The following WNK1 variants were observed in gnomAD, a reference collection of about 807,000 sequenced individuals.
WNK1 encodes WNK lysine deficient protein kinase 1, also known as serine/threonine-protein kinase WNK1.
A neutral mutation model predicts 222.8 loss-of-function variants in WNK1; 38 were observed. The ratio of observed to expected loss-of-function variants is 0.17; its 90% CI spans 0.13 to 0.22. The LOEUF (loss-of-function observed/expected upper bound fraction) is 0.22. Ranked by LOEUF, WNK1 falls within the 10% of genes least tolerant of loss-of-function variation. WNK1 has a pLI of 1.00. For missense variants in WNK1, 2,348 were observed against 2,918.4 expected, an observed-to-expected ratio of 0.80 and a Z score of 4.50; for synonymous variants, 1,090 against 1,092.9, an observed-to-expected ratio of 1.00 and a Z score of 0.05.
intron 1 of WNK1, among the ~76,000 whole-genome samples, chr12:783,249 A>G (rs1213549803): frequency 6.6e-6 from 1 of 152,204 alleles, no homozygotes; most frequent in East Asian, 1.9e-4. Context: ...TATAAAAATT[A>G]TAAAGATAGT....
chr12:861,474 TGTC>T (rs1239625864), intron 7 of WNK1, 131 bp downstream of exon 7: 2 of 817,224 alleles, frequency 2.4e-6, no homozygotes, highest in African/African-American at 3.4e-5. Context: ...TTGAAATGGT[TGTC>T]GTCTAGCTTC....
chr12:910,514 A>T lies in WNK1; in HGVS notation c.*1722A>T, dbSNP rs563236652. 4.6e-5 allele frequency: 7 copies of T among 152,058 alleles called. No individual in the cohort carries two copies. Among genetic ancestry groups the T allele is most frequent in the African/African-American group, 4.8e-5 (2 of 41,546 alleles). 9.4% of individuals were successfully genotyped at this position (152,058 alleles called of 1,614,324 possible). A position where few individuals can be genotyped will look rare whatever the true frequency, so the allele number is the denominator to read the frequency against. ...CTATGCCTCCTTGTAATGGGTAGTT[A>T]TTAATTATTTTCAGAGCTTTCCGGA... On this transcript the variant is annotated 3_prime_UTR_variant, in exon 28 of 28. Transcript: ENST00000315939.
At chr12:898,350 G>T (rs572113030) in intron 25 of WNK1, among the ~76,000 whole-genome samples, 1 of 151,912 alleles carries the variant, frequency 6.6e-6, no homozygotes, top group Non-Finnish European at 1.5e-5. Flanking sequence ...GGGCATGGTG[G>T]CAGGCGCCTA....
intron 20 of WNK1, among the ~76,000 whole-genome samples, chr12:888,901 T>C (rs1277477659): frequency 6.6e-6 from 1 of 152,212 alleles, no homozygotes; most frequent in Non-Finnish European, 1.5e-5. Flanking sequence ...AAGACTTCTC[T>C]TAAACTGCAA....
chr12:903,821 T>A (rs72650781), intron 26 of WNK1, among the ~76,000 whole-genome samples: 368 of 152,346 alleles, frequency 2.4e-3, no homozygotes, highest in Non-Finnish European at 4.3e-3. Flanking sequence ...GATGTATTAT[T>A]CTATGCTCTC....
chr12:844,244 G>A (rs988804071), intron 4 of WNK1, among the ~76,000 whole-genome samples: 4 of 151,784 alleles, frequency 2.6e-5, no homozygotes, highest in Non-Finnish European at 2.9e-5. Context: ...TGATTCTCCC[G>A]CTTCAACCTC....
chr12:866,381 G>A (rs1031917376), intron 8 of WNK1, among the ~76,000 whole-genome samples: 2 of 152,054 alleles, frequency 1.3e-5, no homozygotes, highest in Non-Finnish European at 2.9e-5. Flanking sequence ...TTTATGTTTT[G>A]GAGATGGAAT....
At chr12:840,767 T>C (rs945505705) in intron 4 of WNK1, among the ~76,000 whole-genome samples, 2 of 152,222 alleles carry the variant, frequency 1.3e-5, no homozygotes, top group East Asian at 3.8e-4. Context: ...TCTACGAAAG[T>C]AGTGGTGATG....
At chr12:830,285 T>A (rs1948688370) in intron 4 of WNK1, 125 bp downstream of exon 4, 1 of 1,102,112 alleles carries the variant, frequency 9.1e-7, no homozygotes, top group Admixed American at 2.0e-5. Context: ...CTGTTGGGGT[T>A]GGGGGGGTGG....
chr12:851,766 A>T, intron 4 of WNK1: 1 of 1,346,180 alleles, frequency 7.4e-7, no homozygotes. Context: ...TGCCCTCAAA[A>T]GGATTGTATA....
chr12:853,771 G>A (rs1383045531), intron 4 of WNK1, among the ~76,000 whole-genome samples: 1 of 151,492 alleles, frequency 6.6e-6, no homozygotes, highest in Non-Finnish European at 1.5e-5. Flanking sequence ...TTTTTTTTGA[G>A]ACAGGGTCTC....
chr12:839,173 A>G (rs1949428484), intron 4 of WNK1, among the ~76,000 whole-genome samples: 1 of 152,216 alleles, frequency 6.6e-6, no homozygotes, highest in African/African-American at 2.4e-5. Flanking sequence ...AGACTAAGAT[A>G]GTGTTATATA....
At chr12:878,423 G>A in intron 10 of WNK1, 62 bp downstream of exon 10, 1 of 1,546,670 alleles carries the variant, frequency 6.5e-7, no homozygotes, top group Non-Finnish European at 8.8e-7. Flanking sequence ...TGCTAAAAGG[G>A]ATTTCCATGT....
At chr12:852,056 A>G (rs1157977769) in intron 4 of WNK1, among the ~76,000 whole-genome samples, 1 of 152,144 alleles carries the variant, frequency 6.6e-6, no homozygotes, top group African/African-American at 2.4e-5. Flanking sequence ...CGACATTTGA[A>G]GCATCAGCTT....
At chr12:863,719 T>C (rs1951393805) in intron 8 of WNK1, among the ~76,000 whole-genome samples, 1 of 152,196 alleles carries the variant, frequency 6.6e-6, no homozygotes, top group Non-Finnish European at 1.5e-5. Context: ...ATGACAGTAT[T>C]CTATGGAGGT....
intron 4 of WNK1, among the ~76,000 whole-genome samples, chr12:853,126 A>G (rs531867772): frequency 6.6e-6 from 1 of 152,264 alleles, no homozygotes; most frequent in East Asian, 1.9e-4. Flanking sequence ...CTTGGCACCT[A>G]TGGTACATTT....
intron 26 of WNK1, among the ~76,000 whole-genome samples, chr12:907,176 C>A (rs1200229937): frequency 6.6e-6 from 1 of 151,988 alleles, no homozygotes; most frequent in Non-Finnish European, 1.5e-5. Flanking sequence ...CAAAAATTAA[C>A]TGGGCATGGT....
At position 753,180 on chromosome 12, in the gene WNK1, C is replaced by T. The variant is rs1033666321; in HGVS notation, c.-386C>T. 1.2e-5 allele frequency: 2 copies of T among 170,846 alleles called. No individual in the cohort carries two copies. The highest frequency in any genetic ancestry group is 4.8e-5 in the African/African-American group (2 of 42,006). The allele number at this position is 170,846 out of a possible 1,614,324, so 10.6% of individuals were successfully genotyped here. A position where few individuals can be genotyped will look rare whatever the true frequency, so the allele number is the denominator to read the frequency against. On this transcript the variant is annotated 5_prime_UTR_variant, in exon 1 of 28. Coordinates refer to ENST00000315939, the MANE Select transcript of WNK1 (RefSeq NM_018979.4). This position sits in a 1 kb window ranked among gnomAD's most constrained non-coding sequence, Gnocchi z 5.2. ...GCGGCGGCAGTGGGAGCCGCGTCCG[C>T]CGCATCCGCCTCGACTCGGTGCCGG...
chr12:837,112 A>G (rs576958620), intron 4 of WNK1, among the ~76,000 whole-genome samples: 1 of 152,362 alleles, frequency 6.6e-6, no homozygotes, highest in Admixed American at 6.5e-5. Context: ...CCAGAATCAC[A>G]GCAGATTCAG....
Sources: allele counts gnomAD v4.1 joint callset (sites outside exome capture counted in the v4.1 genomes callset), GRCh38; gene constraint gnomAD v4.1.1; non-coding constraint Gnocchi (gnomAD v3.1); transcripts MANE v1.5; gene names NCBI Gene and HGNC (gene_info 2026-07-23, HGNC 2026-07-21).